ARID5A: variants seen among roughly 807,000 people sequenced by gnomAD.
ARID5A encodes AT-rich interaction domain 5A.
A neutral mutation model predicts 30.5 loss-of-function variants in ARID5A; 14 were observed. The observed-to-expected ratio is 0.46, with a 90% CI of 0.30 to 0.72. The LOEUF is 0.72. Among genes scored for constraint, ARID5A ranks in the 30% least tolerant of loss-of-function variants. The pLI is 0.07. For synonymous variants in ARID5A, 338 were observed against 340.4 expected (o/e 0.99, Z 0.08); for missense variants, 669 against 786.2 (o/e 0.85, Z 1.78).
At chr2:96,546,559 G>T (rs769896947) in intron 1 of ARID5A, among the ~76,000 whole-genome samples, 1 of 152,246 alleles carries the variant, frequency 6.6e-6, no homozygotes, top group Non-Finnish European at 1.5e-5. Context: ...AAGCCTCACC[G>T]AACTATCAGG....
rs556339793 is a variant in ARID5A, at chr2:96,538,887, A to G, written c.4+2057A>G. On this transcript the variant is annotated intron_variant, in intron 1 of 6. Coordinates refer to ENST00000357485, the MANE Select transcript of ARID5A (RefSeq NM_212481.3). ...AGGGTGAGTGGGGCGGGCAGCAGAA[A>G]GATGGGGAGGGAGAGAAGGAAAGGG... Among the ~76,000 whole-genome samples, 3 of 152,240 alleles carry G rather than the reference A, an allele frequency of 2.0e-5. No individual in the cohort carries two copies. The South Asian group carries it at 6.2e-4, about 32-fold the overall frequency.
In ARID5A at chr2:96,549,115, C is replaced by A. The variant is rs1000679103; in HGVS notation, c.121-206C>A. Among the ~76,000 whole-genome samples the A allele has an allele frequency of 2.0e-5, 3 of 152,190 alleles. No homozygotes were observed. The highest frequency in any genetic ancestry group is 4.4e-5 in the Non-Finnish European group (3 of 68,022). On this transcript the variant is annotated intron_variant, in intron 2 of 6. Transcript: ENST00000357485. This position sits in a 1 kb window ranked among gnomAD's most constrained non-coding sequence, Gnocchi z 6.1. ...CCTCCGGGGAGGTCCTGGACTCTAG[C>A]TCCTGTCCTGGGGCGCTGAGAGCTG...
rs1198112819 is a variant in ARID5A at position 96,549,551 on chromosome 2, C to G, written c.259+92C>G. On this transcript the variant is annotated intron_variant, in intron 3 of 6. Coordinates refer to ENST00000357485, the MANE Select transcript of ARID5A (RefSeq NM_212481.3). The surrounding 1 kb of genome is among the most constrained non-coding windows in gnomAD (Gnocchi z 6.1). ...GCAGGCACTCCCACTCTGGGTGACC[C>G]AGGTTGCAGATAGAAAGGAGGCCTC... 1 of 1,547,700 alleles carries G rather than the reference C, an allele frequency of 6.5e-7. No homozygotes were observed.
At chr2:96,538,118 G>C in intron 1 of ARID5A, 1 of 985,478 alleles carries the variant, frequency 1.0e-6, no homozygotes, top group South Asian at 4.7e-5. Flanking sequence ...GTGTGGCAGA[G>C]GTAGAAAGGG....
rs2065804813 is a variant in ARID5A at position 96,539,454 on chromosome 2, C to T, written c.4+2624C>T. Among the ~76,000 whole-genome samples, 1 of 152,256 alleles carries T rather than the reference C, an allele frequency of 6.6e-6. No individual in the cohort carries two copies. The highest frequency in any genetic ancestry group is 2.4e-5 in the African/African-American group (1 of 41,464). On this transcript the variant is annotated intron_variant, in intron 1 of 6. Coordinates refer to ENST00000357485, the MANE Select transcript of ARID5A (RefSeq NM_212481.3). This position sits in a 1 kb window ranked among gnomAD's most constrained non-coding sequence, Gnocchi z 4.7. ...GTCTTCAGTGACTCTCAACCACCGC[C>T]CGACTGCCTTCACCTTCCTGCCTTT... is the stretch of plus-strand genomic sequence containing the variant.
At chr2:96,540,400 C>T (rs909541775) in intron 1 of ARID5A, among the ~76,000 whole-genome samples, 2 of 152,228 alleles carry the variant, frequency 1.3e-5, no homozygotes, top group Admixed American at 1.3e-4. Flanking sequence ...TCACTAGGAG[C>T]CCAGGCTCAT....
Position 96,552,077 on chromosome 2 carries a change from C to T in ARID5A, c.1549C>T (p.Pro517Ser). The part of the protein sequence containing the change: ...CPLNFTGTPG[P>S]LKGQAALPFS... ...GCTGAACTTCACTGGCACCCCGGGC[C>T]CCTTGAAGGGCCAGGCTGCACTCCC... Residue 517 changes from proline (P) to serine (S), a missense_variant, in exon 7 of 7, where the codon CCC (proline) becomes TCC (serine). By Grantham distance (74) the Pro-to-Ser change is moderately conservative. Around this residue, in one of 4 missense-constraint regions of ARID5A, gnomAD observed 548 missense variants for 577.4 expected, o/e 0.95. Transcript: ENST00000357485. 2 of 1,590,720 alleles carry T rather than the reference C, an allele frequency of 1.3e-6. No homozygotes were observed. Among genetic ancestry groups the T allele is most frequent in the South Asian group, 1.1e-5 (1 of 87,650 alleles).
chr2:96,538,580 GC>G (rs1023244923), intron 1 of ARID5A, among the ~76,000 whole-genome samples: 25 of 152,178 alleles, frequency 1.6e-4, no homozygotes, highest in Middle Eastern at 3.2e-3. Context: ...CACTTGGCAG[GC>G]CCCCCTCCCC....
intron 2 of ARID5A, among the ~76,000 whole-genome samples, chr2:96,547,993 G>A (rs1051004104): frequency 6.6e-6 from 1 of 152,208 alleles, no homozygotes; most frequent in Admixed American, 6.5e-5. Flanking sequence ...ATGCAGAAAA[G>A]TGGTTGCAAA....
Position 96,549,865 on chromosome 2 carries a change from G to T in ARID5A, c.312+60G>T. On this transcript the variant is annotated intron_variant, in intron 4 of 6. Transcript: ENST00000357485. This position sits in a 1 kb window ranked among gnomAD's most constrained non-coding sequence, Gnocchi z 6.1. ...CATATCCCTGGGGTGAGCCTGCAGC[G>T]CTGTCCTTGCCTCTGGACAGAGGAA... 6.3e-7 allele frequency: 1 copy of T among 1,581,652 alleles called. No homozygotes were observed. Among genetic ancestry groups the T allele is most frequent in the Non-Finnish European group, 8.6e-7 (1 of 1,162,672 alleles).
rs1229350469 is a variant in ARID5A, at chr2:96,537,054, GC to G, written c.4+225del. ...GGAAGGGGTGAGGCTGGGCGTCCGC[GC>G]GAGCTTCGAGAAAAGGAAAGACAAA... On this transcript the variant is annotated intron_variant, in intron 1 of 6. Transcript: ENST00000357485. The surrounding 1 kb of genome is among the most constrained non-coding windows in gnomAD (Gnocchi z 4.8). Among the ~76,000 whole-genome samples, 5 of 152,108 alleles carry G rather than the reference GC, an allele frequency of 3.3e-5. No homozygotes were observed. The highest frequency in any genetic ancestry group is 1.2e-4 in the African/African-American group (5 of 41,422).
At chr2:96,541,044 CT>C (rs1010271512) in intron 1 of ARID5A, among the ~76,000 whole-genome samples, 80 of 126,350 alleles carry the variant, frequency 6.3e-4, no homozygotes, top group Admixed American at 7.6e-4. Context: ...CGCACCTGGC[CT>C]TTTTTTTTTT....
At chr2:96,546,991 G>A (rs1175918629) in intron 1 of ARID5A, among the ~76,000 whole-genome samples, 5 of 152,066 alleles carry the variant, frequency 3.3e-5, no homozygotes, top group Admixed American at 6.6e-5. Flanking sequence ...GTGGTTTTGC[G>A]TTTCCTTCAA....
In ARID5A at chr2:96,536,777, A is replaced by T. The variant is rs1228387035; in HGVS notation, c.-50A>T. ...ATCTCAGAGAGCGCGGGGTCCGGACAGCCGCGCGCTGAGGGTCTCGGGGCG... is the reference window on the plus strand; with the variant it reads ...ATCTCAGAGAGCGCGGGGTCCGGACTGCCGCGCGCTGAGGGTCTCGGGGCG... On this transcript the variant is annotated 5_prime_UTR_variant, in exon 1 of 7. Transcript: ENST00000357485. 2 of 1,099,274 alleles carry T rather than the reference A, an allele frequency of 1.8e-6. No homozygotes were observed. The highest frequency in any genetic ancestry group is 2.2e-6 in the Non-Finnish European group (2 of 907,136). The allele number at this position is 1,099,274 out of a possible 1,614,324, so 68.1% of individuals were successfully genotyped here. A position where few individuals can be genotyped will look rare whatever the true frequency, so the allele number is the denominator to read the frequency against.
At position 96,537,536 on chromosome 2, in the gene ARID5A, A is replaced by G. The variant is rs1558611112; in HGVS notation, c.4+706A>G. The G allele has an allele frequency of 6.6e-6, 1 of 152,122 alleles. No homozygotes were observed. Among genetic ancestry groups the G allele is most frequent in the African/African-American group, 2.4e-5 (1 of 41,370 alleles). 9.4% of individuals were successfully genotyped at this position (152,122 alleles called of 1,614,324 possible). On this transcript the variant is annotated intron_variant, in intron 1 of 6. Coordinates refer to ENST00000357485, the MANE Select transcript of ARID5A (RefSeq NM_212481.3). The surrounding 1 kb of genome is among the most constrained non-coding windows in gnomAD (Gnocchi z 4.8). ...CGCCCACCCGCCGCAGCCCCACAGG[A>G]GAGGGGTCGCTTCCCTGGTTGCTCT...
intron 1 of ARID5A, among the ~76,000 whole-genome samples, chr2:96,544,695 T>G (rs1293607951): frequency 6.6e-6 from 1 of 152,222 alleles, no homozygotes; most frequent in Non-Finnish European, 1.5e-5. Context: ...CTGCATGTTG[T>G]TTTCATGCCT....
intron 1 of ARID5A, among the ~76,000 whole-genome samples, chr2:96,545,725 G>T (rs558548838): frequency 6.6e-6 from 1 of 151,958 alleles, no homozygotes; most frequent in Non-Finnish European, 1.5e-5. Context: ...GGAGGCCGAG[G>T]TGGGTGGATC....
intron 2 of ARID5A, among the ~76,000 whole-genome samples, chr2:96,547,799 CCATT>C (rs1299817494): frequency 6.6e-6 from 1 of 152,224 alleles, no homozygotes; most frequent in East Asian, 1.9e-4. Context: ...ACATTCACAT[CCATT>C]CATTCAGATG....
rs940660212 is a variant in ARID5A at position 96,539,295 on chromosome 2, T to C, written c.4+2465T>C. Among the ~76,000 whole-genome samples, 1 of 152,238 alleles carries C rather than the reference T, an allele frequency of 6.6e-6. No individual in the cohort carries two copies. Among genetic ancestry groups the C allele is most frequent in the East Asian group, 1.9e-4 (1 of 5,198 alleles). On this transcript the variant is annotated intron_variant, in intron 1 of 6. Coordinates refer to ENST00000357485, the MANE Select transcript of ARID5A (RefSeq NM_212481.3). The surrounding 1 kb of genome is among the most constrained non-coding windows in gnomAD (Gnocchi z 4.7). The stretch of plus-strand genomic sequence containing the variant: ...GGAACCCCTTGCCCCATCTGTCCTC[T>C]TGGCCCACTTTCATCTGCTTCCAGC...
Sources: allele counts gnomAD v4.1 joint callset (sites outside exome capture counted in the v4.1 genomes callset), GRCh38; gene constraint gnomAD v4.1.1; regional missense constraint gnomAD v4.1.1; non-coding constraint Gnocchi (gnomAD v3.1); transcripts MANE v1.5; gene names NCBI Gene and HGNC (gene_info 2026-07-23, HGNC 2026-07-21).